Variants in CHTF18 observed in about 807,000 individuals in gnomAD.
CHTF18 encodes the protein chromosome transmission fidelity protein 18 homolog.
CHTF18 carries 151 observed loss-of-function variants against 113.4 expected under a neutral mutation model. That is an observed-to-expected ratio of 1.33 (90% CI 1.17 to 1.52). The LOEUF is 1.52. Ranked by LOEUF, CHTF18 falls within the 40% of genes most tolerant of loss-of-function variation. The pLI is 0.00. For synonymous variants in CHTF18, 916 were observed against 598.8 expected, an observed-to-expected ratio of 1.53 and a Z score of -7.74; for missense variants, 1,982 against 1,381.6, an observed-to-expected ratio of 1.43 and a Z score of -6.89.
At chr16:793,534 C>T (rs2042258832) in intron 14 of CHTF18, 12 of 590,346 alleles carry the variant, frequency 2.0e-5, no homozygotes, top group South Asian at 1.8e-4. Flanking sequence ...TCCAGGGCGT[C>T]CCTCTCCAGG....
chr16:794,017 A>C (rs1170512455), intron 14 of CHTF18, 37 bp from the exon 15 acceptor site: 8 of 1,592,692 alleles, frequency 5.0e-6, no homozygotes, highest in Admixed American at 1.7e-5. Flanking sequence ...CTGTGCTTTT[A>C]ACACGGGTCC....
chr16:795,826 C>G lies in CHTF18; in HGVS notation c.2317C>G (p.Leu773Val), dbSNP rs377192135. Reference protein sequence around the residue: ...CLLLDILAPKLRPVSTQLYST... With the variant: ...CLLLDILAPKVRPVSTQLYST... ...GCTCCTGGACATTCTTGCACCCAAG[C>G]TCCGCCCCGTGAGTGCCGTCCCCGG... is the stretch of plus-strand genomic sequence containing the variant. The change falls in exon 17 of 22, where the codon CTC becomes GTC. Residue 773 changes from leucine to valine, a missense_variant. Coordinates refer to ENST00000262315, the MANE Select transcript of CHTF18 (RefSeq NM_022092.3). 97 of 1,609,622 alleles carry G rather than the reference C, an allele frequency of 6.0e-5. No homozygotes were observed. In the African/African-American group the frequency reaches 1.2e-3, roughly 19 times the overall value.
At chr16:790,700 T>A (rs770581000) in intron 7 of CHTF18, 34 bp downstream of exon 7, 1 of 1,497,748 alleles carries the variant, frequency 6.7e-7, no homozygotes, top group Non-Finnish European at 8.8e-7. Context: ...TGTGGCTGGC[T>A]TCCTCTGTTC....
chr16:797,595 G>C (rs888343807), intron 20 of CHTF18, 99 bp from the exon 21 acceptor site: 48 of 1,334,644 alleles, frequency 3.6e-5, no homozygotes, highest in Non-Finnish European at 2.2e-5. Flanking sequence ...GAGGTGTTCT[G>C]GTCCCTCCTC....
chr16:789,172 T>C, intron 2 of CHTF18, 38 bp from the exon 3 acceptor site: 3 of 1,550,036 alleles, frequency 1.9e-6, no homozygotes, highest in Non-Finnish European at 2.6e-6. Flanking sequence ...GGCGCGAGGC[T>C]GAGGAGGCCT....
rs778208628 is a variant in CHTF18, at chr16:792,725, C to A, written c.1486C>A (p.Pro496Thr). The A allele has an allele frequency of 6.4e-7, 1 of 1,561,402 alleles. No homozygotes were observed. ...CCTGCCGCCTCTCCTCAGGTTCGCA[C>A]CGTCCCTGCGGCAGCTGAAGCAGCA... The part of the protein sequence containing the change: ...IICICNDQFA[P>T]SLRQLKQQAF... Residue 496 changes from proline (P) to threonine (T), a missense_variant, in exon 12 of 22, where the codon CCG becomes ACG. Pro to Thr is a conservative substitution (Grantham distance 38). Transcript: ENST00000262315.
intron 8 of CHTF18, 119 bp from the exon 9 acceptor site, chr16:791,732 C>G (rs1366984805): frequency 1.4e-6 from 2 of 1,452,864 alleles, no homozygotes; most frequent in East Asian, 2.5e-5. Flanking sequence ...TATTTGATGG[C>G]TGGAGTGGGG....
chr16:794,605 C>T (rs28374141), intron 15 of CHTF18: 81,659 of 250,882 alleles, frequency 0.33, 16,132 homozygotes, highest in African/African-American at 0.59. Flanking sequence ...CGGGAGTCCC[C>T]GCCTAAGCTG....
Position 792,215 on chromosome 16 carries a change from C to T in CHTF18, c.1203-9C>T, listed in dbSNP as rs1308161141. On this transcript the variant is annotated splice_polypyrimidine_tract_variant and intron_variant, in intron 9 of 21. Coordinates refer to ENST00000262315, the MANE Select transcript of CHTF18 (RefSeq NM_022092.3). The stretch of plus-strand genomic sequence containing the variant: ...ACTGCCCTGACGACCCCTGACCTCC[C>T]CATTGCAGTGACGACCGTAGCCCGG... The T allele has an allele frequency of 1.9e-6, 3 of 1,571,052 alleles. No individual in the cohort carries two copies. The highest frequency in any genetic ancestry group is 1.8e-5 in the Admixed American group (1 of 54,926).
intron 15 of CHTF18, among the ~76,000 whole-genome samples, 179 bp downstream of exon 15, chr16:794,380 T>G (rs1241838671): frequency 2.8e-5 from 4 of 144,382 alleles, no homozygotes; most frequent in East Asian, 4.1e-4. Context: ...GCCAGGAGGG[T>G]GGGAGGGGCT....
rs563920295 is a variant in CHTF18 at position 788,659 on chromosome 16, A to G, written c.-26A>G. ...GGCGGCGGCGGCGCGGGAGGTTCGG[A>G]GCGGGAGCTCGGGCTCGCGGACGGT... On this transcript the variant is annotated 5_prime_UTR_variant, in exon 1 of 22. Coordinates refer to ENST00000262315, the MANE Select transcript of CHTF18 (RefSeq NM_022092.3). 1.7e-5 allele frequency: 25 copies of G among 1,503,302 alleles called. No individual in the cohort carries two copies. Among genetic ancestry groups the G allele is most frequent in the East Asian group, 8.6e-5 (3 of 34,820 alleles). The allele number at this position is 1,503,302 out of a possible 1,614,324, so 93.1% of individuals were successfully genotyped here.
rs750757092 is a variant in CHTF18, at chr16:795,799, C to G, written c.2290C>G (p.Leu764Val). ...GGCCCTGCTCCTCGATGCCCTCTGC[C>G]TGCTCCTGGACATTCTTGCACCCAA... ...PQALLLDALC[L>V]LLDILAPKLR... Residue 764 changes from leucine to valine, a missense_variant, in exon 17 of 22, where the codon CTG (leucine) becomes GTG (valine). Coordinates refer to ENST00000262315, the MANE Select transcript of CHTF18 (RefSeq NM_022092.3). 2 of 1,610,276 alleles carry G rather than the reference C, an allele frequency of 1.2e-6. No individual in the cohort carries two copies. The highest frequency in any genetic ancestry group is 1.3e-5 in the African/African-American group (1 of 74,646).
At position 795,338 on chromosome 16, in the gene CHTF18, C is replaced by T. The variant is rs2042307141; in HGVS notation, c.2157C>T (p.Phe719=). The T allele has an allele frequency of 2.5e-5, 39 of 1,547,722 alleles. No homozygotes were observed. The highest frequency in any genetic ancestry group is 3.1e-5 in the Non-Finnish European group (36 of 1,146,536). ...FASSHTPRIT[F]PSSQQEAQNR... is the part of the protein sequence containing the mutation. ...CCAGCCACACACCCAGGATCACCTT[C>T]CCCAGCAGCCAGCAGGAGGTGTGCT... The change falls in exon 16 of 22, where the codon TTC becomes TTT. Residue 719 remains phenylalanine (F), a synonymous_variant. Coordinates refer to ENST00000262315, the MANE Select transcript of CHTF18 (RefSeq NM_022092.3).
chr16:796,586 C>A, intron 18 of CHTF18, 131 bp from the exon 19 acceptor site: 1 of 1,112,548 alleles, frequency 9.0e-7, no homozygotes, highest in Non-Finnish European at 1.2e-6. Context: ...GGTGCGGTGG[C>A]ACCAGGACTC....
At chr16:794,553 G>A (rs936959000) in intron 15 of CHTF18, 18 of 333,814 alleles carry the variant, frequency 5.4e-5, no homozygotes, top group African/African-American at 3.8e-4. Flanking sequence ...ATGCACATGG[G>A]GTGGAGAGCA....
chr16:792,821 G>A lies in CHTF18; in HGVS notation c.1572+10G>A, dbSNP rs1291199978. 6 of 1,538,950 alleles carry A rather than the reference G, an allele frequency of 3.9e-6. No individual in the cohort carries two copies. Among genetic ancestry groups the A allele is most frequent in the Non-Finnish European group, 5.2e-6 (6 of 1,146,106 alleles). ...GCAGCGGCTCCAGGAGGTCGGTGGA[G>A]CCCCAGGAGCCGTGTGGCTGATGGC... On this transcript the variant is annotated intron_variant, in intron 12 of 21. Transcript: ENST00000262315.
At chr16:792,837 G>A (rs942947082) in intron 12 of CHTF18, 26 bp downstream of exon 12, 1 of 1,537,576 alleles carries the variant, frequency 6.5e-7, no homozygotes, top group Non-Finnish European at 8.7e-7. Context: ...GGAGCCGTGT[G>A]GCTGATGGCG....
chr16:792,023 C>G, intron 9 of CHTF18, 75 bp downstream of exon 9: 1 of 1,552,436 alleles, frequency 6.4e-7, no homozygotes, highest in Non-Finnish European at 8.7e-7. Context: ...GACCTGAAAC[C>G]GGGTGTGGAT....
chr16:796,276 G>GT (rs1326987378), intron 18 of CHTF18, among the ~76,000 whole-genome samples, 199 bp downstream of exon 18: 1 of 152,248 alleles, frequency 6.6e-6, no homozygotes, highest in Non-Finnish European at 1.5e-5. Context: ...TGGGACCTGA[G>GT]TTTTGCTGCA....
Sources: gnomAD v4.1 joint callset for allele counts (sites outside exome capture counted in the v4.1 genomes callset) on GRCh38, gnomAD v4.1.1 for gene constraint, MANE v1.5 for transcripts, NCBI Gene and HGNC (gene_info 2026-07-23, HGNC 2026-07-21) for gene names.